ANTXR1: variants seen among roughly 807,000 people sequenced by gnomAD.
ANTXR1 encodes anthrax toxin receptor 1.
A neutral mutation model predicts 78.1 loss-of-function variants in ANTXR1; 19 were observed. That is an observed-to-expected ratio of 0.24 (90% CI 0.17 to 0.36). ANTXR1 has a LOEUF of 0.36. Ranked by LOEUF, ANTXR1 falls within the 10% of genes least tolerant of loss-of-function variation. ANTXR1 has a pLI of 1.00. For missense variants in ANTXR1, 518 were observed against 718.6 expected (o/e 0.72, Z 3.19); for synonymous variants, 273 against 260.5 (o/e 1.05, Z -0.46).
At chr2:69,120,027 G>A (rs559155201) in intron 10 of ANTXR1, among the ~76,000 whole-genome samples, 5 of 152,288 alleles carry the variant, frequency 3.3e-5, no homozygotes, top group South Asian at 2.1e-4. Context: ...TAAATCCATC[G>A]TAAGTTGAAA....
chr2:69,158,259 T>C (rs1673580068), intron 13 of ANTXR1, among the ~76,000 whole-genome samples: 1 of 152,210 alleles, frequency 6.6e-6, no homozygotes, highest in Non-Finnish European at 1.5e-5. Context: ...TCATTAAACA[T>C]ATCAGGTACT....
intron 3 of ANTXR1, among the ~76,000 whole-genome samples, chr2:69,059,262 T>G (rs917276943): frequency 6.6e-6 from 1 of 152,122 alleles, no homozygotes; most frequent in African/African-American, 2.4e-5. Context: ...AGAGAAATCT[T>G]GTGTGAAAGG....
At position 69,035,633 on chromosome 2, in the gene ANTXR1, C is replaced by A. The variant is rs1671655608; in HGVS notation, c.153-4411C>A. Among the ~76,000 whole-genome samples, 2 of 152,096 alleles carry A rather than the reference C, an allele frequency of 1.3e-5. 1 individual carries two copies. Among genetic ancestry groups the A allele is most frequent in the Admixed American group, 1.3e-4 (2 of 15,272 alleles). On this transcript the variant is annotated intron_variant, in intron 1 of 17. Transcript: ENST00000303714. ...GGCTATGTACATCTCCAGCGTGGCT[C>A]AAAGGGTGTATATTTTGGTCAAGGC...
chr2:69,089,803 C>A (rs1004914103), intron 8 of ANTXR1, among the ~76,000 whole-genome samples: 4 of 152,218 alleles, frequency 2.6e-5, no homozygotes, highest in Admixed American at 6.5e-5. Context: ...CTTCAGCCCT[C>A]TAAACCATCT....
intron 11 of ANTXR1, among the ~76,000 whole-genome samples, chr2:69,124,279 C>T (rs1303722471): frequency 6.6e-6 from 1 of 152,190 alleles, no homozygotes; most frequent in African/African-American, 2.4e-5. Context: ...AAGCTTTGCC[C>T]ATTCAATGCC....
chr2:69,244,627 C>G (rs930291058), intron 17 of ANTXR1, among the ~76,000 whole-genome samples: 2 of 152,206 alleles, frequency 1.3e-5, no homozygotes, highest in African/African-American at 4.8e-5. Context: ...ATCACAGAAT[C>G]TAGCTACATC....
intron 12 of ANTXR1, among the ~76,000 whole-genome samples, chr2:69,135,684 T>C (rs949353553): frequency 3.3e-5 from 5 of 152,110 alleles, no homozygotes; most frequent in African/African-American, 1.2e-4. Flanking sequence ...AACCTGGAAG[T>C]TATAATAATT....
chr2:69,168,522 G>C (rs888499766), intron 13 of ANTXR1, among the ~76,000 whole-genome samples: 2 of 152,090 alleles, frequency 1.3e-5, no homozygotes, highest in East Asian at 1.9e-4. Context: ...ACACCCAGGG[G>C]CCTTGCCACA....
intron 17 of ANTXR1, among the ~76,000 whole-genome samples, chr2:69,218,561 G>A (rs1675237543): frequency 6.6e-6 from 1 of 152,198 alleles, no homozygotes; most frequent in Non-Finnish European, 1.5e-5. Context: ...AGAGCAGAGA[G>A]CTGCTGGGAA....
chr2:69,113,106 C>T lies in ANTXR1; in HGVS notation c.803-9911C>T, dbSNP rs926640937. The stretch of plus-strand genomic sequence containing the variant: ...CTCCACGTGAAAATCGTGAGCTCCA[C>T]GAGGACTCCAGGCATGTGCTGCATT... On this transcript the variant is annotated intron_variant, in intron 10 of 17. Transcript: ENST00000303714. 9.2e-5 allele frequency among the ~76,000 whole-genome samples: 14 copies of T among 152,308 alleles called. No individual in the cohort carries two copies. The South Asian group carries it at 1.2e-3, about 14-fold the overall frequency.
intron 14 of ANTXR1, among the ~76,000 whole-genome samples, chr2:69,170,746 A>C (rs377117523): frequency 2.0e-5 from 3 of 152,268 alleles, no homozygotes; most frequent in South Asian, 4.1e-4. Context: ...TCTTTCATTT[A>C]AAAACAATAT....
intron 12 of ANTXR1, among the ~76,000 whole-genome samples, chr2:69,137,882 G>C (rs909395380): frequency 6.6e-6 from 1 of 151,400 alleles, no homozygotes; most frequent in African/African-American, 2.4e-5. Flanking sequence ...TCAGGAGTTC[G>C]AGATCAGCCT....
rs763313564 is a variant in ANTXR1, at chr2:69,245,299, C to T, written c.1509C>T (p.Thr503=). ...AKYPLNNAYH[T]SSPPPAPIYT... ...ACCCACTCAACAACGCCTACCACAC[C>T]TCCTCGCCGCCTCCTGCCCCCATCT... The change falls in exon 18 of 18, where the codon ACC becomes ACT. Residue 503 remains threonine, a synonymous_variant. Coordinates refer to ENST00000303714, the MANE Select transcript of ANTXR1 (RefSeq NM_032208.3). 6 of 1,612,494 alleles carry T rather than the reference C, an allele frequency of 3.7e-6. No homozygotes were observed. The highest frequency in any genetic ancestry group is 5.1e-6 in the Non-Finnish European group (6 of 1,179,536).
chr2:69,069,101 C>A (rs900969368), intron 3 of ANTXR1, among the ~76,000 whole-genome samples: 1 of 152,136 alleles, frequency 6.6e-6, no homozygotes, highest in African/African-American at 2.4e-5. Flanking sequence ...GACAGGCAAA[C>A]CCCTTTTCAG....
intron 6 of ANTXR1, 138 bp downstream of exon 6, chr2:69,073,239 A>G: frequency 1.4e-6 from 1 of 722,720 alleles, no homozygotes; most frequent in South Asian, 1.6e-5. Context: ...CATAAGTAGA[A>G]ATAATAATAA....
intron 15 of ANTXR1, 82 bp downstream of exon 15, chr2:69,181,963 C>T: frequency 1.5e-6 from 2 of 1,359,508 alleles, no homozygotes; most frequent in South Asian, 2.4e-5. Flanking sequence ...CCTGCTTAGC[C>T]TCTAGATATC....
At chr2:69,170,819 C>T (rs190568621) in intron 14 of ANTXR1, among the ~76,000 whole-genome samples, 1 of 152,296 alleles carries the variant, frequency 6.6e-6, no homozygotes, top group East Asian at 1.9e-4. Flanking sequence ...AATATCCTGG[C>T]CTTCCTCTCA....
At chr2:69,180,446 G>C (rs1335007959) in intron 14 of ANTXR1, among the ~76,000 whole-genome samples, 2 of 152,088 alleles carry the variant, frequency 1.3e-5, no homozygotes, top group Non-Finnish European at 1.5e-5. Flanking sequence ...CCCACAACAA[G>C]AATAATTACA....
rs764009630 is a variant in ANTXR1 at position 69,090,967 on chromosome 2, T to C, written c.703+48T>C. ...TTGCTTTCATACAATTGATGATATT[T>C]TGAGTTCAAGTCACGTATGTACTTC... On this transcript the variant is annotated intron_variant, in intron 9 of 17. Coordinates refer to ENST00000303714, the MANE Select transcript of ANTXR1 (RefSeq NM_032208.3). 2.1e-5 allele frequency: 33 copies of C among 1,589,250 alleles called. No individual in the cohort carries two copies. The South Asian group carries it at 3.6e-4, about 18-fold the overall frequency.
Sources: allele counts gnomAD v4.1 joint callset (sites outside exome capture counted in the v4.1 genomes callset), GRCh38; gene constraint gnomAD v4.1.1; transcripts MANE v1.5; gene names NCBI Gene and HGNC (gene_info 2026-07-23, HGNC 2026-07-21).